KIF2A: variants seen among roughly 807,000 people sequenced by gnomAD.
KIF2A encodes the protein kinesin family member 2A, also known as kinesin-like protein KIF2A.
KIF2A carries 22 observed loss-of-function variants against 100.2 expected under a neutral mutation model. The observed-to-expected ratio is 0.22, with a 90% CI of 0.16 to 0.31. The LOEUF (loss-of-function observed/expected upper bound fraction) is 0.31, where lower values mean the gene tolerates loss of function less well. KIF2A is among the 10% of genes least tolerant of loss of function. The pLI is 1.00. For missense variants in KIF2A, 495 were observed against 898.7 expected, an observed-to-expected ratio of 0.55 and a Z score of 5.74; for synonymous variants, 268 against 285.9, an observed-to-expected ratio of 0.94 and a Z score of 0.63.
Position 62,385,792 on chromosome 5 carries a change from T to C in KIF2A, c.*223T>C. On this transcript the variant is annotated 3_prime_UTR_variant, in exon 21 of 21. Transcript: ENST00000407818. ...ACTGGGATTAATGAAGCATTTTGTT[T>C]CATTTACACAAATAGTGATTTACTT... is the stretch of plus-strand genomic sequence containing the variant. 1 of 514,646 alleles carries C rather than the reference T, an allele frequency of 1.9e-6. No individual in the cohort carries two copies. Among genetic ancestry groups the C allele is most frequent in the South Asian group, 2.9e-5 (1 of 34,860 alleles). 31.9% of individuals were successfully genotyped at this position (514,646 alleles called of 1,614,324 possible).
At chr5:62,345,841 T>C (rs1747538148) in intron 1 of KIF2A, among the ~76,000 whole-genome samples, 1 of 152,166 alleles carries the variant, frequency 6.6e-6, no homozygotes, top group Non-Finnish European at 1.5e-5. Flanking sequence ...TTAGGAAATA[T>C]TGAAGATGCA....
At chr5:62,358,901 G>C (rs1163972459) in intron 9 of KIF2A, among the ~76,000 whole-genome samples, 1 of 152,198 alleles carries the variant, frequency 6.6e-6, no homozygotes, top group Admixed American at 6.5e-5. Context: ...AGACTCCTGA[G>C]CTCAAGTGAT....
intron 1 of KIF2A, among the ~76,000 whole-genome samples, chr5:62,328,022 C>A (rs1746463783): frequency 6.6e-6 from 1 of 152,182 alleles, no homozygotes; most frequent in South Asian, 2.1e-4. Context: ...AGCCAGGGAA[C>A]AATTAGATAG....
At chr5:62,311,262 A>C (rs532367102) in intron 1 of KIF2A, among the ~76,000 whole-genome samples, 36 of 152,168 alleles carry the variant, frequency 2.4e-4, no homozygotes, top group Non-Finnish European at 4.4e-4. Context: ...TTGGAACCGT[A>C]TACCGCTTTT....
At chr5:62,318,590 C>A (rs777981048) in intron 1 of KIF2A, among the ~76,000 whole-genome samples, 225 of 152,092 alleles carry the variant, frequency 1.5e-3, no homozygotes, top group Non-Finnish European at 2.6e-3. Flanking sequence ...TTTGGGTTTC[C>A]ATTAAGAACA....
At chr5:62,383,916 G>T (rs1741898292) in intron 20 of KIF2A, among the ~76,000 whole-genome samples, 1 of 151,970 alleles carries the variant, frequency 6.6e-6, no homozygotes. Flanking sequence ...TCAGTCCTTA[G>T]AATTTTTTTA....
chr5:62,333,257 C>T (rs967737278), intron 1 of KIF2A, among the ~76,000 whole-genome samples: 3 of 152,068 alleles, frequency 2.0e-5, no homozygotes, highest in African/African-American at 7.2e-5. Context: ...TATTAAAAAC[C>T]AAGAGGTGTT....
rs1223393400 is a variant in KIF2A, at chr5:62,388,074, T to G, written c.*2505T>G. ...AACATAGTAGCTAATAAAACTAGTT[T>G]ATGACATCTATTGAAATTCTCAGTC... On this transcript the variant is annotated 3_prime_UTR_variant, in exon 21 of 21. Coordinates refer to ENST00000407818, the MANE Select transcript of KIF2A (RefSeq NM_001098511.3). 6.6e-6 allele frequency: 1 copy of G among 152,194 alleles called. No individual in the cohort carries two copies. The highest frequency in any genetic ancestry group is 1.9e-4 in the East Asian group (1 of 5,208). 9.4% of individuals were successfully genotyped at this position (152,194 alleles called of 1,614,324 possible).
chr5:62,331,100 T>TAAA (rs1746615463), intron 1 of KIF2A, among the ~76,000 whole-genome samples: 1 of 152,194 alleles, frequency 6.6e-6, no homozygotes, highest in African/African-American at 2.4e-5. Context: ...CTTATACATA[T>TAAA]TTAGGTTTTG....
At position 62,388,350 on chromosome 5, in the gene KIF2A, C is replaced by T. The variant is rs996133678; in HGVS notation, c.*2781C>T. On this transcript the variant is annotated 3_prime_UTR_variant, in exon 21 of 21. Transcript: ENST00000407818. ...ATTCCAGTTTAGCTTCCTCATTTTA[C>T]ATGTTGGGAGTCATGCCCTTTAATA... 2.6e-5 allele frequency: 4 copies of T among 152,210 alleles called. No homozygotes were observed. Among genetic ancestry groups the T allele is most frequent in the East Asian group, 1.9e-4 (1 of 5,204 alleles). The allele number at this position is 152,210 out of a possible 1,614,324, so 9.4% of individuals were successfully genotyped here.
intron 1 of KIF2A, among the ~76,000 whole-genome samples, chr5:62,332,159 A>G (rs1002591641): frequency 2.6e-5 from 4 of 152,326 alleles, no homozygotes; most frequent in African/African-American, 4.8e-5. Flanking sequence ...CCAAAAGGCA[A>G]TTGTCAACAT....
chr5:62,348,316 C>T (rs1033129240), intron 3 of KIF2A, 149 bp downstream of exon 3: 4 of 700,526 alleles, frequency 5.7e-6, no homozygotes, highest in Non-Finnish European at 9.1e-6. Context: ...TATATACATA[C>T]ATATTTTCAA....
intron 9 of KIF2A, 57 bp from the exon 10 acceptor site, chr5:62,361,185 A>C (rs1748386786): frequency 2.4e-6 from 2 of 850,592 alleles, no homozygotes. Context: ...ACTCAGCATT[A>C]CTATTATTCA....
chr5:62,365,292 C>T lies in KIF2A; in HGVS notation c.1517C>T (p.Ala506Val), dbSNP rs1310318091. 1.2e-6 allele frequency: 2 copies of T among 1,609,640 alleles called. No individual in the cohort carries two copies. The highest frequency in any genetic ancestry group is 1.7e-6 in the Non-Finnish European group (2 of 1,177,294). ...GRNKPHTPFR[A>V]SKLTQVLRDS... ...AATAAACCTCATACTCCTTTCCGTGCAAGTAAACTCACTCAGGTGTTAAGA... is the reference window on the plus strand; with the variant it reads ...AATAAACCTCATACTCCTTTCCGTGTAAGTAAACTCACTCAGGTGTTAAGA... The change falls in exon 15 of 21, where the codon GCA (alanine) becomes GTA (valine). Residue 506 changes from alanine to valine, a missense_variant. Coordinates refer to ENST00000407818, the MANE Select transcript of KIF2A (RefSeq NM_001098511.3).
intron 6 of KIF2A, 50 bp from the exon 7 acceptor site, chr5:62,355,109 C>A: frequency 2.4e-6 from 2 of 841,230 alleles, no homozygotes; most frequent in Admixed American, 2.3e-5. Context: ...ATAAATGTAA[C>A]AAATACATTA....
chr5:62,312,323 G>T (rs930881879), intron 1 of KIF2A, among the ~76,000 whole-genome samples: 1 of 152,230 alleles, frequency 6.6e-6, no homozygotes, highest in African/African-American at 2.4e-5. Flanking sequence ...AGTTAAATCT[G>T]TGTCTGCTCA....
intron 17 of KIF2A, 124 bp from the exon 18 acceptor site, chr5:62,373,563 C>T: frequency 1.5e-6 from 1 of 665,924 alleles, no homozygotes; most frequent in East Asian, 2.9e-5. Flanking sequence ...TAAATTTTAC[C>T]TATAAAGGTG....
At chr5:62,330,065 A>G (rs1746557347) in intron 1 of KIF2A, among the ~76,000 whole-genome samples, 1 of 152,182 alleles carries the variant, frequency 6.6e-6, no homozygotes, top group Admixed American at 6.5e-5. Context: ...TTTAAGAAAA[A>G]TGGGGCCGGG....
chr5:62,361,101 A>G, intron 9 of KIF2A, 141 bp from the exon 10 acceptor site: 4 of 499,390 alleles, frequency 8.0e-6, no homozygotes, highest in Non-Finnish European at 1.4e-5. Context: ...CGATATTGTT[A>G]TTTAAAATTT....
Sources: allele counts gnomAD v4.1 joint callset (sites outside exome capture counted in the v4.1 genomes callset), GRCh38; gene constraint gnomAD v4.1.1; transcripts MANE v1.5; gene names NCBI Gene and HGNC (gene_info 2026-07-23, HGNC 2026-07-21).